The following DENND5B variants were observed in gnomAD, a reference collection of about 807,000 sequenced individuals.
DENND5B encodes the protein DENN domain containing 5B, also known as DENN domain-containing protein 5B.
A neutral mutation model predicts 140.6 loss-of-function variants in DENND5B; 34 were observed. The observed-to-expected ratio is 0.24, with a 90% CI of 0.18 to 0.32. The LOEUF (loss-of-function observed/expected upper bound fraction) is 0.32. DENND5B is among the 10% of genes least tolerant of loss of function. DENND5B has a pLI of 1.00. For missense variants in DENND5B, 1,142 were observed against 1,560.2 expected, an observed-to-expected ratio of 0.73 and a Z score of 4.52; for synonymous variants, 551 against 562.1, an observed-to-expected ratio of 0.98 and a Z score of 0.28.
At chr12:31,527,892 C>A (rs1352018909) in intron 1 of DENND5B, among the ~76,000 whole-genome samples, 1 of 152,146 alleles carries the variant, frequency 6.6e-6, no homozygotes, top group African/African-American at 2.4e-5. Context: ...AGGAAACAAT[C>A]AGGTAATTCC....
intron 17 of DENND5B, among the ~76,000 whole-genome samples, chr12:31,397,406 G>C (rs1264834003): frequency 6.6e-6 from 1 of 151,790 alleles, no homozygotes; most frequent in African/African-American, 2.4e-5. Context: ...AAATTAGCCA[G>C]ATGTGGTGGC....
At chr12:31,572,580 T>C (rs1199426921) in intron 1 of DENND5B, among the ~76,000 whole-genome samples, 1 of 148,668 alleles carries the variant, frequency 6.7e-6, no homozygotes, top group Non-Finnish European at 1.5e-5. Context: ...TATTAACACA[T>C]AGCCAATGAA....
chr12:31,489,760 A>G (rs1373420550), intron 2 of DENND5B, among the ~76,000 whole-genome samples: 1 of 150,142 alleles, frequency 6.7e-6, no homozygotes, highest in Non-Finnish European at 1.5e-5. Flanking sequence ...AAAGGTATAC[A>G]AGGTACTAAG....
At chr12:31,582,535 T>C (rs1449444045) in intron 1 of DENND5B, among the ~76,000 whole-genome samples, 1 of 152,252 alleles carries the variant, frequency 6.6e-6, no homozygotes, top group African/African-American at 2.4e-5. Context: ...GTATATTTCA[T>C]AGTAAAAGCC....
chr12:31,525,388 T>C (rs989428718), intron 1 of DENND5B, among the ~76,000 whole-genome samples: 1 of 152,226 alleles, frequency 6.6e-6, no homozygotes, highest in African/African-American at 2.4e-5. Flanking sequence ...TGCTACAATG[T>C]GGATGAATCT....
intron 1 of DENND5B, among the ~76,000 whole-genome samples, chr12:31,539,231 A>C (rs996136575): frequency 3.9e-5 from 6 of 152,134 alleles, no homozygotes; most frequent in African/African-American, 1.4e-4. Context: ...AACAACATCA[A>C]AGCCATAATA....
chr12:31,453,670 C>T (rs910751246), intron 4 of DENND5B, among the ~76,000 whole-genome samples: 2 of 152,082 alleles, frequency 1.3e-5, no homozygotes, highest in Non-Finnish European at 2.9e-5. Context: ...CTCCCTGGCT[C>T]CCCCACCCCC....
chr12:31,442,924 G>A lies in DENND5B; in HGVS notation c.1863C>T (p.Ala621=). 6.4e-7 allele frequency: 1 copy of A among 1,552,894 alleles called. No individual in the cohort carries two copies. The change falls in exon 7 of 21, where the codon GCC becomes GCT. Residue 621 remains alanine, a splice_region_variant and synonymous_variant. Transcript: ENST00000389082. Reference sequence around the variant, plus strand: ...TCATCAGTCTCTGCTCAATTGATTGGGCTATAAATTAAATTTATAATAAAT... The same window carrying A: ...TCATCAGTCTCTGCTCAATTGATTGAGCTATAAATTAAATTTATAATAAAT... ...YQKCSTLKEA[A]QSIEQRLMKM...
chr12:31,462,914 G>A (rs1422247374), intron 3 of DENND5B, among the ~76,000 whole-genome samples: 3 of 151,848 alleles, frequency 2.0e-5, no homozygotes, highest in African/African-American at 7.3e-5. Context: ...AGCCGGGATT[G>A]CACTACTGCA....
intron 1 of DENND5B, among the ~76,000 whole-genome samples, chr12:31,578,442 A>G (rs969306072): frequency 1.4e-4 from 22 of 152,216 alleles, no homozygotes; most frequent in African/African-American, 5.1e-4. Context: ...TAATATGTGG[A>G]AACTATTCAT....
chr12:31,471,155 C>T (rs1250200904), intron 3 of DENND5B, among the ~76,000 whole-genome samples: 1 of 152,192 alleles, frequency 6.6e-6, no homozygotes, highest in Non-Finnish European at 1.5e-5. Context: ...TGACAACTAG[C>T]CTCAAAGCCA....
In DENND5B at chr12:31,495,748, C is replaced by A. The variant is rs184495091; in HGVS notation, c.237+62G>T. 2.7e-4 allele frequency: 327 copies of A among 1,212,146 alleles called. No individual in the cohort carries two copies. In the African/African-American group the frequency reaches 3.6e-3, roughly 13 times the overall value. 75.1% of individuals were successfully genotyped at this position (1,212,146 alleles called of 1,614,324 possible). A position where few individuals can be genotyped will look rare whatever the true frequency, so the allele number is the denominator to read the frequency against. ...GTAGACATTCAAAATACAGTCACTA[C>A]CTTCATATTAATAAAGTGAAAACAA... On this transcript the variant is annotated intron_variant, in intron 2 of 20. Coordinates refer to ENST00000389082, the MANE Select transcript of DENND5B (RefSeq NM_144973.4).
chr12:31,393,003 G>A (rs1407738465), intron 17 of DENND5B, among the ~76,000 whole-genome samples: 6 of 152,128 alleles, frequency 3.9e-5, no homozygotes, highest in East Asian at 1.9e-4. Flanking sequence ...AAAAATACAC[G>A]CCTCACTGGG....
At chr12:31,470,663 G>A (rs1200069515) in intron 3 of DENND5B, among the ~76,000 whole-genome samples, 1 of 152,236 alleles carries the variant, frequency 6.6e-6, no homozygotes, top group Non-Finnish European at 1.5e-5. Context: ...ACAGTCTTGT[G>A]AGAATGAACT....
chr12:31,562,487 A>G (rs184381956), intron 1 of DENND5B, among the ~76,000 whole-genome samples: 2 of 152,124 alleles, frequency 1.3e-5, no homozygotes, highest in Admixed American at 6.5e-5. Flanking sequence ...GCGGGCACCT[A>G]TAATTCCAGC....
intron 2 of DENND5B, among the ~76,000 whole-genome samples, chr12:31,484,613 C>T (rs1380656826): frequency 1.3e-5 from 2 of 152,054 alleles, no homozygotes; most frequent in Non-Finnish European, 2.9e-5. Context: ...CCAGCCTGGG[C>T]AACATGGTGA....
chr12:31,439,308 T>C (rs1426675915), intron 7 of DENND5B, among the ~76,000 whole-genome samples: 1 of 152,202 alleles, frequency 6.6e-6, no homozygotes, highest in Non-Finnish European at 1.5e-5. Flanking sequence ...ACGTAATGAC[T>C]GAGGCTTCGT....
At chr12:31,423,825 T>A in intron 10 of DENND5B, 150 bp from the exon 11 acceptor site, 1 of 722,788 alleles carries the variant, frequency 1.4e-6, no homozygotes, top group African/African-American at 1.8e-5. Context: ...GAGCATCTTC[T>A]GCATGTATCA....
chr12:31,415,221 G>T, intron 12 of DENND5B, 146 bp downstream of exon 12: 2 of 534,738 alleles, frequency 3.7e-6, no homozygotes. Flanking sequence ...ATAAAAATAA[G>T]ATAAATGAAA....
Sources: allele counts gnomAD v4.1 joint callset (sites outside exome capture counted in the v4.1 genomes callset), GRCh38; gene constraint gnomAD v4.1.1; transcripts MANE v1.5; gene names NCBI Gene and HGNC (gene_info 2026-07-23, HGNC 2026-07-21).